GRID2: variants seen among roughly 807,000 people sequenced by gnomAD.
GRID2 encodes the protein glutamate receptor ionotropic, delta-2.
Under a neutral mutation model 114.8 loss-of-function variants are expected in GRID2, and 33 were observed. The ratio of observed to expected loss-of-function variants is 0.29; its 90% confidence interval spans 0.22 to 0.38. The LOEUF (loss-of-function observed/expected upper bound fraction) is 0.38. Among genes scored for constraint, GRID2 ranks in the 10% least tolerant of loss-of-function variants. GRID2 has a pLI of 1.00. For synonymous variants in GRID2, 505 were observed against 449.9 expected, an observed-to-expected ratio of 1.12 and a Z score of -1.55; for missense variants, 1,184 against 1,257.7, an observed-to-expected ratio of 0.94 and a Z score of 0.89.
At chr4:92,428,292 T>C (rs995402745) in intron 1 of GRID2, among the ~76,000 whole-genome samples, 1 of 152,024 alleles carries the variant, frequency 6.6e-6, no homozygotes, top group African/African-American at 2.4e-5. Flanking sequence ...ATAATAGTTT[T>C]GAAAAACATT....
At chr4:93,741,063 G>A (rs549844090) in intron 14 of GRID2, among the ~76,000 whole-genome samples, 1 of 149,566 alleles carries the variant, frequency 6.7e-6, no homozygotes, top group Non-Finnish European at 1.5e-5. Flanking sequence ...ATATATTAAG[G>A]CTGGTTTCAG....
intron 1 of GRID2, among the ~76,000 whole-genome samples, chr4:92,451,000 C>A (rs951215870): frequency 6.6e-5 from 10 of 151,356 alleles, no homozygotes; most frequent in Non-Finnish European, 1.5e-4. Context: ...CTATTCAGTT[C>A]ACTCATAAAG....
rs202059319 is a variant in GRID2, at chr4:92,845,445, C to G, written c.245-239550C>G. On this transcript the variant is annotated intron_variant, in intron 2 of 15. Transcript: ENST00000282020. ...TTGTTTTAGAAACTTGACAACACCT[C>G]TTTGTAAACATTATTGTTGACATTG... Among the ~76,000 whole-genome samples the G allele has an allele frequency of 4.6e-5, 7 of 152,114 alleles. No homozygotes were observed. In the East Asian group the frequency reaches 1.4e-3, roughly 29 times the overall value.
At chr4:92,787,806 G>A (rs1328935818) in intron 2 of GRID2, among the ~76,000 whole-genome samples, 1 of 151,824 alleles carries the variant, frequency 6.6e-6, no homozygotes, top group Admixed American at 6.6e-5. Flanking sequence ...ATAAGAGATG[G>A]TGCTGCCTCC....
chr4:93,568,195 AT>A (rs1312395682), intron 13 of GRID2, among the ~76,000 whole-genome samples: 1 of 152,198 alleles, frequency 6.6e-6, no homozygotes, highest in Non-Finnish European at 1.5e-5. Flanking sequence ...GACTGAGATA[AT>A]AGGATAATTA....
At chr4:92,341,649 G>T (rs1030154824) in intron 1 of GRID2, among the ~76,000 whole-genome samples, 8 of 152,148 alleles carry the variant, frequency 5.3e-5, no homozygotes, top group Middle Eastern at 3.4e-3. Context: ...GGCCCAGCGT[G>T]GTGGCTCACG....
chr4:92,850,761 T>C (rs1179944334), intron 2 of GRID2, among the ~76,000 whole-genome samples: 1 of 151,956 alleles, frequency 6.6e-6, no homozygotes, highest in Non-Finnish European at 1.5e-5. Flanking sequence ...AATGTAGAGC[T>C]GTTGAATCGA....
chr4:93,051,487 A>G (rs966060678), intron 2 of GRID2, among the ~76,000 whole-genome samples: 8 of 151,962 alleles, frequency 5.3e-5, no homozygotes, highest in African/African-American at 1.4e-4. Flanking sequence ...TTTTTATCAG[A>G]TGCTCTCTTC....
chr4:93,430,544 A>G (rs747746375), intron 10 of GRID2, among the ~76,000 whole-genome samples: 8 of 152,232 alleles, frequency 5.3e-5, no homozygotes, highest in Non-Finnish European at 1.2e-4. Flanking sequence ...TCAAAGTGCT[A>G]TGGAGGGATG....
chr4:92,552,588 T>A, intron 1 of GRID2, among the ~76,000 whole-genome samples: 1 of 152,122 alleles, frequency 6.6e-6, no homozygotes, highest in East Asian at 1.9e-4. Flanking sequence ...TATAGGAGTT[T>A]CCAGAGGAAG....
At chr4:92,961,217 T>G (rs1326513748) in intron 2 of GRID2, among the ~76,000 whole-genome samples, 2 of 151,910 alleles carry the variant, frequency 1.3e-5, no homozygotes, top group African/African-American at 4.8e-5. Context: ...GTCCATTTGA[T>G]AAATTAAGAA....
At chr4:92,530,524 AAG>A (rs1195943987) in intron 1 of GRID2, among the ~76,000 whole-genome samples, 5 of 150,300 alleles carry the variant, frequency 3.3e-5, no homozygotes, top group East Asian at 2.0e-4. Flanking sequence ...AAAAAAAAAA[AAG>A]AGAGACTTCC....
At chr4:93,348,167 A>G (rs1760431328) in intron 8 of GRID2, among the ~76,000 whole-genome samples, 1 of 152,172 alleles carries the variant, frequency 6.6e-6, no homozygotes, top group Admixed American at 6.6e-5. Flanking sequence ...CTAACCATAT[A>G]TCTACTATAT....
chr4:92,947,359 T>G (rs1751716135), intron 2 of GRID2, among the ~76,000 whole-genome samples: 1 of 152,038 alleles, frequency 6.6e-6, no homozygotes, highest in Non-Finnish European at 1.5e-5. Context: ...GTGCTATGTT[T>G]AACAAAATAA....
intron 4 of GRID2, among the ~76,000 whole-genome samples, chr4:93,124,055 A>T (rs1405450459): frequency 1.3e-5 from 2 of 150,770 alleles, no homozygotes; most frequent in Non-Finnish European, 1.5e-5. Flanking sequence ...ATGTATACAT[A>T]TGTAACTAAC....
At chr4:93,020,568 G>A (rs981351613) in intron 2 of GRID2, among the ~76,000 whole-genome samples, 3 of 152,034 alleles carry the variant, frequency 2.0e-5, no homozygotes, top group Non-Finnish European at 2.9e-5. Flanking sequence ...GACTAATGTG[G>A]GTTTAAAATG....
chr4:93,164,519 A>C (rs1738064855), intron 4 of GRID2, among the ~76,000 whole-genome samples: 1 of 152,126 alleles, frequency 6.6e-6, no homozygotes, highest in Admixed American at 6.6e-5. Context: ...AGGACCTTTA[A>C]AAATTTATGC....
At chr4:93,006,564 G>C (rs1721550066) in intron 2 of GRID2, among the ~76,000 whole-genome samples, 1 of 147,832 alleles carries the variant, frequency 6.8e-6, no homozygotes, top group African/African-American at 2.5e-5. Flanking sequence ...AAAAATAAAA[G>C]AATGAAAAGG....
intron 1 of GRID2, among the ~76,000 whole-genome samples, chr4:92,415,742 A>ATG (rs1177484628): frequency 9.5e-5 from 3 of 31,700 alleles, no homozygotes; most frequent in African/African-American, 6.8e-4. Flanking sequence ...GTATGTGTGT[A>ATG]TATATATATA....
Sources: allele counts gnomAD v4.1 joint callset (sites outside exome capture counted in the v4.1 genomes callset), GRCh38; gene constraint gnomAD v4.1.1; transcripts MANE v1.5; gene names NCBI Gene and HGNC (gene_info 2026-07-23, HGNC 2026-07-21).